The following HRH1 variants were observed in gnomAD, a reference collection of about 807,000 sequenced individuals.
HRH1 encodes histamine receptor H1.
In HRH1, 6 loss-of-function variants were observed where a neutral mutation model predicts 10.3. That is an observed-to-expected ratio of 0.58 (90% CI 0.32 to 1.15). The LOEUF (loss-of-function observed/expected upper bound fraction) is 1.15. HRH1 is among the 50% of genes most tolerant of loss of function. HRH1 has a pLI of 0.05. For missense variants in HRH1, 514 were observed against 615.3 expected (o/e 0.84, Z 1.74); for synonymous variants, 242 against 236.7 (o/e 1.02, Z -0.21).
chr3:11,148,180 C>CAAAAAAAAAAAA (rs58792725), intron 1 of HRH1, among the ~76,000 whole-genome samples: 1 of 85,970 alleles, frequency 1.2e-5, no homozygotes, highest in African/African-American at 4.3e-5. Context: ...CTCTGTCAAA[C>CAAAAAAAAAAAA]AAAAAAAAAA....
chr3:11,220,656 C>G (rs1007539841), intron 1 of HRH1, among the ~76,000 whole-genome samples: 2 of 152,192 alleles, frequency 1.3e-5, no homozygotes, highest in Non-Finnish European at 2.9e-5. Flanking sequence ...GTTGGGCTGC[C>G]TCTTGTAAAC....
At chr3:11,196,214 C>T (rs555453170) in intron 1 of HRH1, among the ~76,000 whole-genome samples, 2 of 152,344 alleles carry the variant, frequency 1.3e-5, no homozygotes, top group East Asian at 1.9e-4. Flanking sequence ...CCAGCCTCAT[C>T]CCTCCCTGGC....
chr3:11,164,279 T>G (rs1936987559), intron 1 of HRH1, among the ~76,000 whole-genome samples: 1 of 152,014 alleles, frequency 6.6e-6, no homozygotes. Context: ...TCAAGGTGGG[T>G]AGGGGCCAAA....
At chr3:11,188,904 CTTT>C (rs1388151863) in intron 1 of HRH1, among the ~76,000 whole-genome samples, 1 of 152,192 alleles carries the variant, frequency 6.6e-6, no homozygotes, top group Admixed American at 6.5e-5. Flanking sequence ...TGCCCTTCTT[CTTT>C]AAGATCTGAA....
intron 1 of HRH1, among the ~76,000 whole-genome samples, chr3:11,221,017 A>G (rs1324418262): frequency 2.0e-5 from 3 of 152,210 alleles, no homozygotes; most frequent in Non-Finnish European, 4.4e-5. Flanking sequence ...TGGAGTCACT[A>G]CCCCCAAAGT....
rs533190942 is a variant in HRH1 at position 11,185,028 on chromosome 3, A to T, written c.-36+30474A>T. Among the ~76,000 whole-genome samples the T allele has an allele frequency of 6.0e-5, 8 of 133,958 alleles. No homozygotes were observed. The South Asian group carries it at 1.8e-3, about 30-fold the overall frequency. 87.9% of individuals were successfully genotyped at this position (133,958 alleles called of 152,430 possible). On this transcript the variant is annotated intron_variant, in intron 1 of 1. Coordinates refer to ENST00000431010, the MANE Select transcript of HRH1 (RefSeq NM_001098212.2). The stretch of plus-strand genomic sequence containing the variant: ...ATTTAAAGTTTTTATTAAAATGAAC[A>T]GTACTAATTTAAAAAAAAAAAAAAC...
intron 1 of HRH1, among the ~76,000 whole-genome samples, chr3:11,167,697 G>C (rs1937072419): frequency 6.6e-6 from 1 of 152,232 alleles, no homozygotes. Context: ...AGTTCAGTCA[G>C]CAGGTATCCA....
intron 1 of HRH1, among the ~76,000 whole-genome samples, chr3:11,201,230 C>T (rs969067734): frequency 2.6e-5 from 4 of 152,190 alleles, no homozygotes; most frequent in African/African-American, 7.2e-5. Flanking sequence ...AATTGCCCTA[C>T]GGCCAGAGAG....
intron 1 of HRH1, among the ~76,000 whole-genome samples, chr3:11,233,558 G>A (rs12496673): frequency 0.054 from 8,148 of 152,238 alleles, 295 homozygotes; most frequent in African/African-American, 0.095. Context: ...CTGAGAGCCT[G>A]TGTGAACATG....
chr3:11,210,452 A>G (rs1339728140), intron 1 of HRH1, among the ~76,000 whole-genome samples: 1 of 152,192 alleles, frequency 6.6e-6, no homozygotes, highest in Admixed American at 6.5e-5. Context: ...TACTCTGAGG[A>G]TAAAATGAGA....
At chr3:11,158,007 C>G (rs7618626) in intron 1 of HRH1, among the ~76,000 whole-genome samples, 30,595 of 152,150 alleles carry the variant, frequency 0.2, 3,701 homozygotes, top group African/African-American at 0.33. Flanking sequence ...AGGACATTCA[C>G]AGCTCCTAGC....
rs11927429 is a variant in HRH1, at chr3:11,187,469, C to T, written c.-36+32915C>T. Among the ~76,000 whole-genome samples, 1,120 of 152,100 alleles carry T rather than the reference C, an allele frequency of 7.4e-3. 19 individuals carry two copies. Among genetic ancestry groups the T allele is most frequent in the African/African-American group, 0.026 (1,061 of 41,512 alleles). The stretch of plus-strand genomic sequence containing the variant: ...AAATAATAAAACACATGACCTTGCA[C>T]AGACCACTCAACGTTACTGAGCCCA... On this transcript the variant is annotated intron_variant, in intron 1 of 1. Transcript: ENST00000431010.
At chr3:11,150,010 C>G (rs554848364), upstream of HRH1, among the ~76,000 whole-genome samples, 1 of 152,320 alleles carries the variant, frequency 6.6e-6, no homozygotes, top group South Asian at 2.1e-4. Context: ...CCTCCCCATT[C>G]CTCCCCACAC....
At chr3:11,229,564 T>C (rs1938987444) in intron 1 of HRH1, among the ~76,000 whole-genome samples, 1 of 152,170 alleles carries the variant, frequency 6.6e-6, no homozygotes, top group African/African-American at 2.4e-5. Flanking sequence ...AGTCTTAACT[T>C]GTATATTTCA....
chr3:11,234,508 T>C (rs552474575), intron 1 of HRH1: 2 of 1,437,936 alleles, frequency 1.4e-6, no homozygotes, highest in African/African-American at 1.4e-5. Context: ...CGCTGGCCAT[T>C]CCCCCAAGGC....
intron 1 of HRH1, among the ~76,000 whole-genome samples, chr3:11,247,223 G>A (rs868735176): frequency 2.6e-5 from 4 of 152,134 alleles, no homozygotes; most frequent in South Asian, 2.1e-4. Context: ...TTGGGAGGCC[G>A]AGGCAGGAGA....
At chr3:11,139,405 G>T (rs889055044) in intron 1 of HRH1, among the ~76,000 whole-genome samples, 3 of 151,654 alleles carry the variant, frequency 2.0e-5, no homozygotes, top group East Asian at 3.9e-4. Flanking sequence ...TCAGCTTCCC[G>T]AGTAGCTGGG....
At chr3:11,175,142 G>A (rs1471564536) in intron 1 of HRH1, among the ~76,000 whole-genome samples, 1 of 152,162 alleles carries the variant, frequency 6.6e-6, no homozygotes, top group African/African-American at 2.4e-5. Flanking sequence ...CAGCTGGGGA[G>A]GATTCCTCAG....
At chr3:11,180,294 T>C (rs1473189185) in intron 1 of HRH1, among the ~76,000 whole-genome samples, 1 of 152,116 alleles carries the variant, frequency 6.6e-6, no homozygotes, top group African/African-American at 2.4e-5. Context: ...CAGGGACCAG[T>C]TTCATGGAAG....
Sources: allele counts gnomAD v4.1 joint callset (sites outside exome capture counted in the v4.1 genomes callset), GRCh38; gene constraint gnomAD v4.1.1; transcripts MANE v1.5; gene names NCBI Gene and HGNC (gene_info 2026-07-23, HGNC 2026-07-21).